Variants in PRDM12 observed in about 807,000 individuals in gnomAD.
PRDM12 encodes PR domain zinc finger protein 12.
PRDM12 carries 17 observed loss-of-function variants against 29.6 expected under a neutral mutation model. The observed-to-expected ratio is 0.57, with a 90% CI of 0.39 to 0.86. The LOEUF is 0.86. Among genes scored for constraint, PRDM12 ranks in the 40% least tolerant of loss-of-function variants. The pLI is 0.00. For missense variants in PRDM12, 422 were observed against 510.8 expected (o/e 0.83, Z 1.68); for synonymous variants, 231 against 225.8 (o/e 1.02, Z -0.21).
At position 130,681,386 on chromosome 9, in the gene PRDM12, G is replaced by GT. The variant is rs752805040; in HGVS notation, c.821_822insT (p.Phe275LeufsTer276). ...ACGCTGGACAAGCCCTTCGTGTGCC[G>GT]CTTCTGCAACCGCCGCTTCAGCCAG... On this transcript the variant is annotated frameshift_variant, in exon 5 of 5. Coordinates refer to ENST00000253008, the MANE Select transcript of PRDM12 (RefSeq NM_021619.3). LOFTEE classifies it high-confidence loss of function. This position sits in a 1 kb window ranked among gnomAD's most constrained non-coding sequence, Gnocchi z 8.1. The GT allele has an allele frequency of 6.3e-7, 1 of 1,593,254 alleles. No individual in the cohort carries two copies.
chr9:130,681,837 G>A lies in PRDM12; in HGVS notation c.*168G>A, dbSNP rs1830908185. 3.4e-6 allele frequency: 2 copies of A among 594,722 alleles called. No individual in the cohort carries two copies. The highest frequency in any genetic ancestry group is 2.0e-5 in the African/African-American group (1 of 49,430). 36.8% of individuals were successfully genotyped at this position (594,722 alleles called of 1,614,324 possible). A position where few individuals can be genotyped will look rare whatever the true frequency, so the allele number is the denominator to read the frequency against. On this transcript the variant is annotated 3_prime_UTR_variant, in exon 5 of 5. Transcript: ENST00000253008. The surrounding 1 kb of genome is among the most constrained non-coding windows in gnomAD (Gnocchi z 8.1). Reference sequence around the variant, plus strand: ...ATCTCAGGCACCCCCGCCTTGGCCCGTGTCGCAGATGAGGACACTGAGGGC... The same window carrying A: ...ATCTCAGGCACCCCCGCCTTGGCCCATGTCGCAGATGAGGACACTGAGGGC...
Position 130,682,448 on chromosome 9 carries a change from A to C in PRDM12, c.*779A>C, listed in dbSNP as rs996847530. 1 of 152,436 alleles carries C rather than the reference A, an allele frequency of 6.6e-6. No individual in the cohort carries two copies. The highest frequency in any genetic ancestry group is 2.4e-5 in the African/African-American group (1 of 41,436). The allele number at this position is 152,436 out of a possible 1,614,324, so 9.4% of individuals were successfully genotyped here. A position where few individuals can be genotyped will look rare whatever the true frequency, so the allele number is the denominator to read the frequency against. On this transcript the variant is annotated 3_prime_UTR_variant, in exon 5 of 5. Coordinates refer to ENST00000253008, the MANE Select transcript of PRDM12 (RefSeq NM_021619.3). This position sits in a 1 kb window ranked among gnomAD's most constrained non-coding sequence, Gnocchi z 4.2. ...TTTGGGCCTCAGTTTCCCCATCTGT[A>C]AAATGAAGGAGTTGGACCAATGCCC...
rs777095865 is a variant in PRDM12 at position 130,668,211 on chromosome 9, C to T, written c.468C>T (p.Asp156=). The change falls in exon 3 of 5, where the codon GAC becomes GAT. Residue 156 remains aspartate (D), a synonymous_variant. Coordinates refer to ENST00000253008, the MANE Select transcript of PRDM12 (RefSeq NM_021619.3). The surrounding 1 kb of genome is among the most constrained non-coding windows in gnomAD (Gnocchi z 4.0). ...VRYFIDASQE[D]HRSWMTYIKC... is the part of the protein sequence containing the mutation. ...ACTTCATCGATGCCAGCCAGGAGGA[C>T]CACCGGAGCTGGATGACCTACATCA... 2 of 1,614,176 alleles carry T rather than the reference C, an allele frequency of 1.2e-6. No homozygotes were observed. The highest frequency in any genetic ancestry group is 2.2e-5 in the South Asian group (2 of 91,078).
Position 130,681,187 on chromosome 9 carries a change from C to T in PRDM12, c.683-61C>T, listed in dbSNP as rs916089683. ...CCGGGCTGCGGGGCGCCGGTTCTAACGGGGCTGCTCTCTCCCCTTCTCCGT... is the reference window on the plus strand; with the variant it reads ...CCGGGCTGCGGGGCGCCGGTTCTAATGGGGCTGCTCTCTCCCCTTCTCCGT... On this transcript the variant is annotated intron_variant, in intron 4 of 4. Coordinates refer to ENST00000253008, the MANE Select transcript of PRDM12 (RefSeq NM_021619.3). The surrounding 1 kb of genome is among the most constrained non-coding windows in gnomAD (Gnocchi z 8.1). The T allele has an allele frequency of 5.2e-6, 7 of 1,339,984 alleles. No individual in the cohort carries two copies. In the African/African-American group the frequency reaches 7.7e-5, roughly 15 times the overall value. The allele number at this position is 1,339,984 out of a possible 1,614,324, so 83.0% of individuals were successfully genotyped here.
chr9:130,665,022 G>A, intron 1 of PRDM12, 146 bp downstream of exon 1: 1 of 837,360 alleles, frequency 1.2e-6, no homozygotes, highest in Non-Finnish European at 1.8e-6. Flanking sequence ...GTGCACCTCA[G>A]TTTCCCCATG....
At position 130,681,332 on chromosome 9, in the gene PRDM12, G is replaced by A; in HGVS notation, c.767G>A (p.Ser256Asn). 1.3e-6 allele frequency: 2 copies of A among 1,565,420 alleles called. No homozygotes were observed. The highest frequency in any genetic ancestry group is 2.3e-5 in the East Asian group (1 of 42,636). The change falls in exon 5 of 5, where the codon AGC becomes AAC. Residue 256 changes from serine to asparagine, a missense_variant. By Grantham distance (46) the Ser-to-Asn change is conservative. Coordinates refer to ENST00000253008, the MANE Select transcript of PRDM12 (RefSeq NM_021619.3). The surrounding 1 kb of genome is among the most constrained non-coding windows in gnomAD (Gnocchi z 8.1). ...VICHRGFNSR[S>N]NLRSHMRIHT... ...TGCCACCGCGGCTTCAACTCGCGCA[G>A]CAACCTGCGCTCGCACATGCGCATC... is the stretch of plus-strand genomic sequence containing the variant.
intron 4 of PRDM12, among the ~76,000 whole-genome samples, chr9:130,679,858 C>T (rs533497048): frequency 5.9e-5 from 9 of 151,268 alleles, no homozygotes; most frequent in Non-Finnish European, 1.2e-4. Flanking sequence ...GATGGGGTCT[C>T]GCCATGTTGC....
rs1830901126 is a variant in PRDM12, at chr9:130,681,528, G to A, written c.963G>A (p.Ala321=). 2.2e-6 allele frequency: 3 copies of A among 1,372,168 alleles called. No homozygotes were observed. Among genetic ancestry groups the A allele is most frequent in the South Asian group, 1.6e-5 (1 of 63,144 alleles). The allele number at this position is 1,372,168 out of a possible 1,614,324, so 85.0% of individuals were successfully genotyped here. A position where few individuals can be genotyped will look rare whatever the true frequency, so the allele number is the denominator to read the frequency against. ...LAGLRAHQKS[A]RHRPPSTALQ... ...GCCTGCGCGCCCACCAGAAGAGCGC[G>A]CGGCACCGGCCGCCCAGCACCGCGC... is the stretch of plus-strand genomic sequence containing the variant. Residue 321 remains alanine (A), a synonymous_variant, in exon 5 of 5, where the codon GCG becomes GCA. Coordinates refer to ENST00000253008, the MANE Select transcript of PRDM12 (RefSeq NM_021619.3). This position sits in a 1 kb window ranked among gnomAD's most constrained non-coding sequence, Gnocchi z 8.1.
At chr9:130,669,684 C>G (rs374319454) in intron 3 of PRDM12, among the ~76,000 whole-genome samples, 36 of 150,852 alleles carry the variant, frequency 2.4e-4, no homozygotes, top group African/African-American at 8.8e-4. Context: ...GGTGTGGTTG[C>G]GGGTGCCTGT....
chr9:130,677,990 A>T (rs577932429), intron 3 of PRDM12, among the ~76,000 whole-genome samples: 12 of 147,474 alleles, frequency 8.1e-5, no homozygotes, highest in African/African-American at 2.8e-4. Flanking sequence ...TGCCGTGTGC[A>T]CAGAGACACT....
At chr9:130,677,753 G>C (rs560104547) in intron 3 of PRDM12, among the ~76,000 whole-genome samples, 15 of 152,292 alleles carry the variant, frequency 9.8e-5, no homozygotes, top group African/African-American at 3.6e-4. Context: ...CCCAGAAGCA[G>C]GCCCCTTACG....
At chr9:130,666,968 C>T (rs1365479992) in intron 2 of PRDM12, among the ~76,000 whole-genome samples, 170 bp downstream of exon 2, 1 of 152,214 alleles carries the variant, frequency 6.6e-6, no homozygotes, top group Non-Finnish European at 1.5e-5. Context: ...CTGGAGCTCA[C>T]CCCGCCTCTA....
intron 4 of PRDM12, among the ~76,000 whole-genome samples, chr9:130,680,677 TGATC>T (rs1830891966): frequency 7.8e-6 from 1 of 127,814 alleles, no homozygotes; most frequent in Non-Finnish European, 1.6e-5. Flanking sequence ...TTTTTTTAAC[TGATC>T]CTTACCATGT....
At chr9:130,665,409 G>C (rs1447750793) in intron 1 of PRDM12, among the ~76,000 whole-genome samples, 1 of 152,142 alleles carries the variant, frequency 6.6e-6, no homozygotes, top group Non-Finnish European at 1.5e-5. Flanking sequence ...GATGTCTCAA[G>C]TTCTTATTCC....
At chr9:130,680,659 A>ATATATAGATATATTTTT in intron 4 of PRDM12, among the ~76,000 whole-genome samples, 1 of 72,200 alleles carries the variant, frequency 1.4e-5, no homozygotes, top group Non-Finnish European at 2.2e-5. Context: ...ATATATATAT[A>ATATATAGATATATTTTT]TTTTTTTTTT....
At chr9:130,676,122 C>G (rs1830839759) in intron 3 of PRDM12, among the ~76,000 whole-genome samples, 1 of 152,142 alleles carries the variant, frequency 6.6e-6, no homozygotes, top group Non-Finnish European at 1.5e-5. Flanking sequence ...ATCTGCTTTT[C>G]TGGGAGGTTC....
At chr9:130,672,464 C>T (rs1830797619) in intron 3 of PRDM12, among the ~76,000 whole-genome samples, 2 of 152,248 alleles carry the variant, frequency 1.3e-5, no homozygotes, top group East Asian at 1.9e-4. Flanking sequence ...GCTGGGATTA[C>T]AGGCGTGAGC....
chr9:130,676,082 TTAA>T (rs1432585887), intron 3 of PRDM12, among the ~76,000 whole-genome samples: 2 of 152,170 alleles, frequency 1.3e-5, no homozygotes, highest in African/African-American at 4.8e-5. Flanking sequence ...TCCTTCACAA[TTAA>T]TTTATGTTAA....
At position 130,682,520 on chromosome 9, in the gene PRDM12, C is replaced by T; in HGVS notation, c.*851C>T. The stretch of plus-strand genomic sequence containing the variant: ...CGTGCCTGGGAAGGCGAAATATACC[C>T]CCAGCCCCTTCCAACACACACACTC... On this transcript the variant is annotated 3_prime_UTR_variant, in exon 5 of 5. Coordinates refer to ENST00000253008, the MANE Select transcript of PRDM12 (RefSeq NM_021619.3). This position sits in a 1 kb window ranked among gnomAD's most constrained non-coding sequence, Gnocchi z 4.2. 1 of 152,280 alleles carries T rather than the reference C, an allele frequency of 6.6e-6. No individual in the cohort carries two copies. Among genetic ancestry groups the T allele is most frequent in the Admixed American group, 6.5e-5 (1 of 15,270 alleles). 9.4% of individuals were successfully genotyped at this position (152,280 alleles called of 1,614,324 possible). A position where few individuals can be genotyped will look rare whatever the true frequency, so the allele number is the denominator to read the frequency against.
Sources: allele counts gnomAD v4.1 joint callset (sites outside exome capture counted in the v4.1 genomes callset), GRCh38; gene constraint gnomAD v4.1.1; non-coding constraint Gnocchi (gnomAD v3.1); transcripts MANE v1.5; gene names NCBI Gene and HGNC (gene_info 2026-07-23, HGNC 2026-07-21).